CHLSN: variants seen among roughly 807,000 people sequenced by gnomAD.
The protein encoded by CHLSN is cholesin, also known as protein cholesin.
chr7:1,100,093 G>A, the CHLSN span, among the ~76,000 whole-genome samples: 1 of 152,228 alleles, frequency 6.6e-6, no homozygotes, highest in Non-Finnish European at 1.5e-5. Context: ...TGTGTTCTGG[G>A]TTACATGAAG....
the CHLSN span, chr7:1,082,388 G>C: frequency 6.6e-6 from 1 of 152,260 alleles, no homozygotes; most frequent in Non-Finnish European, 1.5e-5. Flanking sequence ...AATGGGGCCC[G>C]AGGGCGCTGC....
the CHLSN span, chr7:1,009,867 T>G: frequency 1.7e-6 from 2 of 1,193,162 alleles, no homozygotes; most frequent in Non-Finnish European, 2.3e-6. Flanking sequence ...CCACACAGTG[T>G]GTGCGAGTGA....
chr7:1,016,888 A>G, the CHLSN span, among the ~76,000 whole-genome samples: 2,478 of 66,840 alleles, frequency 0.037, 304 homozygotes, highest in African/African-American at 0.052. Flanking sequence ...AGCAGCACAC[A>G]CCAGCGCACA....
At chr7:1,093,414 G>A in the CHLSN span, 2 of 458,152 alleles carry the variant, frequency 4.4e-6, no homozygotes, top group Non-Finnish European at 4.6e-6. Flanking sequence ...ATGCTGCTCT[G>A]GTGCACGCCT....
At chr7:1,118,826 G>A in the CHLSN span, among the ~76,000 whole-genome samples, 2 of 127,498 alleles carry the variant, frequency 1.6e-5, no homozygotes, top group Admixed American at 1.6e-4. Context: ...AAAAAAAAGA[G>A]GTACTTACTT....
the CHLSN span, chr7:1,028,125 G>A: frequency 9.4e-6 from 5 of 532,438 alleles, no homozygotes; most frequent in Non-Finnish European, 1.2e-5. Flanking sequence ...GGCGGAGCGG[G>A]GCCCGCAGCA....
the CHLSN span, among the ~76,000 whole-genome samples, chr7:1,022,293 G>A: frequency 1.3e-5 from 2 of 152,246 alleles, no homozygotes; most frequent in Non-Finnish European, 2.9e-5. Flanking sequence ...CTCCTGCATC[G>A]CCTCAGACCC....
At chr7:1,000,321 C>T in the CHLSN span, 26 of 625,112 alleles carry the variant, frequency 4.2e-5, no homozygotes, top group Non-Finnish European at 6.0e-5. Flanking sequence ...CCCCGGGAGA[C>T]GTGCCTGCCC....
the CHLSN span, among the ~76,000 whole-genome samples, chr7:1,035,015 G>A: frequency 2.0e-5 from 3 of 152,216 alleles, no homozygotes; most frequent in African/African-American, 7.2e-5. Context: ...TGGTGTATAT[G>A]TACCACATTT....
the CHLSN span, among the ~76,000 whole-genome samples, chr7:993,257 C>T: frequency 1.3e-5 from 2 of 152,192 alleles, no homozygotes; most frequent in South Asian, 4.1e-4. Context: ...TCCCTGGGAG[C>T]CACTGGAGGG....
At chr7:994,735 G>A in the CHLSN span, among the ~76,000 whole-genome samples, 1 of 152,204 alleles carries the variant, frequency 6.6e-6, no homozygotes, top group East Asian at 1.9e-4. Context: ...CGCCGCACCC[G>A]GCATGAGTTA....
At chr7:1,068,345 T>G in the CHLSN span, among the ~76,000 whole-genome samples, 1 of 152,098 alleles carries the variant, frequency 6.6e-6, no homozygotes, top group Admixed American at 6.5e-5. Flanking sequence ...AGAGCCCTCA[T>G]GCACATCCCC....
chr7:1,136,470 A>G, the CHLSN span, among the ~76,000 whole-genome samples: 2 of 121,306 alleles, frequency 1.6e-5, no homozygotes, highest in African/African-American at 7.3e-5. Context: ...ATAAACATAT[A>G]TAAATATATA....
the CHLSN span, among the ~76,000 whole-genome samples, chr7:1,073,408 G>C: frequency 6.6e-6 from 1 of 152,228 alleles, no homozygotes; most frequent in East Asian, 1.9e-4. Flanking sequence ...CCCCAGCTGA[G>C]CTCCCGCCGC....
the CHLSN span, chr7:1,137,274 A>G: frequency 6.6e-6 from 1 of 152,314 alleles, no homozygotes; most frequent in African/African-American, 2.4e-5. Flanking sequence ...CTTCCTTTCC[A>G]TTCTCAAAAC....
At chr7:1,016,606 C>G in the CHLSN span, among the ~76,000 whole-genome samples, 1 of 144,402 alleles carries the variant, frequency 6.9e-6, no homozygotes, top group Non-Finnish European at 1.5e-5. Flanking sequence ...CAGCAGCGTA[C>G]AGCAGCGCAC....
chr7:1,028,326 C>T, the CHLSN span: 1 of 1,027,348 alleles, frequency 9.7e-7, no homozygotes, highest in South Asian at 3.0e-5. Context: ...GCAGTGCGCA[C>T]CGCCCGGCCC....
the CHLSN span, among the ~76,000 whole-genome samples, chr7:981,105 G>A: frequency 6.6e-6 from 1 of 150,602 alleles, no homozygotes; most frequent in Admixed American, 6.6e-5. Flanking sequence ...AGATCAGCCT[G>A]GCCAACATGG....
At chr7:1,072,322 G>A in the CHLSN span, among the ~76,000 whole-genome samples, 1 of 152,118 alleles carries the variant, frequency 6.6e-6, no homozygotes, top group South Asian at 2.1e-4. Flanking sequence ...AAGCACGCAC[G>A]ACTGCAGCGA....
Sources: allele counts gnomAD v4.1 joint callset (sites outside exome capture counted in the v4.1 genomes callset), GRCh38; gene constraint gnomAD v4.1.1; transcripts MANE v1.5; gene names NCBI Gene and HGNC (gene_info 2026-07-23, HGNC 2026-07-21).